The following ZNF385D variants were observed in gnomAD, a reference collection of about 807,000 sequenced individuals.
ZNF385D encodes zinc finger protein 659.
ZNF385D carries 15 observed loss-of-function variants against 35.8 expected under a neutral mutation model. The observed-to-expected ratio is 0.42, with a 90% CI of 0.28 to 0.64. The LOEUF (loss-of-function observed/expected upper bound fraction) is 0.64. Among genes scored for constraint, ZNF385D ranks in the 30% least tolerant of loss-of-function variants. The pLI is 0.23. For missense variants in ZNF385D, 474 were observed against 494.6 expected (o/e 0.96, Z 0.39); for synonymous variants, 212 against 186.8 (o/e 1.13, Z -1.10).
intron 3 of ZNF385D, among the ~76,000 whole-genome samples, chr3:21,816,807 C>G (rs112550441): frequency 0.039 from 5,998 of 152,270 alleles, 401 homozygotes; most frequent in African/African-American, 0.13. Context: ...CTCCCAATGA[C>G]TTTCTTCACA....
intron 3 of ZNF385D, among the ~76,000 whole-genome samples, chr3:22,108,266 T>A (rs1221541630): frequency 1.3e-5 from 2 of 152,182 alleles, no homozygotes; most frequent in African/African-American, 2.4e-5. Flanking sequence ...TCTTACTCAT[T>A]TTAATCCACA....
At position 21,418,026 on chromosome 3, in the gene ZNF385D, C is replaced by A. The variant is rs148712879; in HGVS notation, c.*3188G>T. 2.6e-4 allele frequency: 39 copies of A among 152,218 alleles called. No homozygotes were observed. The highest frequency in any genetic ancestry group is 3.4e-3 in the Middle Eastern group (1 of 294). 9.4% of individuals were successfully genotyped at this position (152,218 alleles called of 1,614,324 possible). A position where few individuals can be genotyped will look rare whatever the true frequency, so the allele number is the denominator to read the frequency against. ...AGGAGCAATTTATCATGTGTAATTG[C>A]CTGTTTTCTCATAAGAGAAATACAG... is the stretch of plus-strand genomic sequence containing the variant. On this transcript the variant is annotated 3_prime_UTR_variant, in exon 8 of 8. Coordinates refer to ENST00000281523, the MANE Select transcript of ZNF385D (RefSeq NM_024697.3).
At chr3:22,117,704 T>C (rs1702883140) in intron 3 of ZNF385D, among the ~76,000 whole-genome samples, 1 of 151,964 alleles carries the variant, frequency 6.6e-6, no homozygotes, top group African/African-American at 2.4e-5. Context: ...ACTGGTAATA[T>C]TACCATTGAT....
chr3:22,035,960 T>G (rs1195210338), intron 3 of ZNF385D, among the ~76,000 whole-genome samples: 1 of 151,874 alleles, frequency 6.6e-6, no homozygotes, highest in African/African-American at 2.4e-5. Context: ...AAGACATAGT[T>G]AAAAAGAGAA....
chr3:21,893,450 A>G (rs1679208), intron 3 of ZNF385D, among the ~76,000 whole-genome samples: 89,949 of 152,032 alleles, frequency 0.59, 27,094 homozygotes, highest in South Asian at 0.71. Context: ...TGGTCTGGGA[A>G]TTAGCACATG....
chr3:21,524,749 A>G (rs1708122997), intron 3 of ZNF385D, among the ~76,000 whole-genome samples: 1 of 152,130 alleles, frequency 6.6e-6, no homozygotes, highest in Non-Finnish European at 1.5e-5. Flanking sequence ...TTAAAATTGT[A>G]GTGGATGGAA....
intron 3 of ZNF385D, among the ~76,000 whole-genome samples, chr3:21,838,806 C>A (rs1575752245): frequency 6.6e-6 from 1 of 151,896 alleles, no homozygotes; most frequent in East Asian, 1.9e-4. Flanking sequence ...AAAATATCAC[C>A]AATTTTAATA....
chr3:21,892,201 G>A (rs78217071), intron 3 of ZNF385D, among the ~76,000 whole-genome samples: 9,769 of 152,188 alleles, frequency 0.064, 337 homozygotes, highest in Middle Eastern at 0.085. Flanking sequence ...TAATTGAGAT[G>A]GAAAAATTTG....
chr3:21,869,407 G>A (rs1029167106), intron 3 of ZNF385D, among the ~76,000 whole-genome samples: 4 of 152,006 alleles, frequency 2.6e-5, no homozygotes, highest in African/African-American at 9.7e-5. Flanking sequence ...TACAACATGT[G>A]ATCCCCACCG....
intron 3 of ZNF385D, among the ~76,000 whole-genome samples, chr3:22,018,433 C>T (rs1280607196): frequency 6.6e-6 from 1 of 151,544 alleles, no homozygotes; most frequent in Non-Finnish European, 1.5e-5. Flanking sequence ...TCACATGTAC[C>T]TTCAAAGATA....
intron 3 of ZNF385D, among the ~76,000 whole-genome samples, chr3:21,800,344 A>G (rs1159440204): frequency 2.6e-5 from 4 of 152,196 alleles, no homozygotes; most frequent in African/African-American, 9.6e-5. Context: ...AGTAGTACCA[A>G]CCTTAGCAAT....
At chr3:21,574,292 AAGTCTCTACGTG>A (rs2063427755) in intron 2 of ZNF385D, among the ~76,000 whole-genome samples, 1 of 152,082 alleles carries the variant, frequency 6.6e-6, no homozygotes, top group Admixed American at 6.5e-5. Context: ...CACACAAGAA[AAGTCTCTACGTG>A]AATAAAGTCC....
intron 4 of ZNF385D, among the ~76,000 whole-genome samples, chr3:21,486,498 G>T (rs975711671): frequency 1.3e-5 from 2 of 152,054 alleles, no homozygotes; most frequent in Non-Finnish European, 2.9e-5. Context: ...GTTATCAAAA[G>T]ATGATAAATG....
chr3:21,431,758 A>G (rs1701303345), intron 5 of ZNF385D, among the ~76,000 whole-genome samples: 1 of 152,186 alleles, frequency 6.6e-6, no homozygotes, highest in Non-Finnish European at 1.5e-5. Context: ...GGGAAGCCTT[A>G]TCATTACCCT....
intron 2 of ZNF385D, 64 bp from the exon 3 acceptor site, chr3:21,564,748 G>T: frequency 9.3e-7 from 1 of 1,076,588 alleles, no homozygotes. Flanking sequence ...TTGGAATTTT[G>T]CCTATTTCAT....
intron 2 of ZNF385D, among the ~76,000 whole-genome samples, chr3:22,237,939 G>A (rs1045951320): frequency 6.6e-6 from 1 of 150,842 alleles, no homozygotes; most frequent in Admixed American, 6.6e-5. Context: ...ACCACCCCTG[G>A]GCAAATTTAG....
chr3:21,740,277 C>G (rs1302934354), intron 1 of ZNF385D, among the ~76,000 whole-genome samples: 4 of 152,184 alleles, frequency 2.6e-5, no homozygotes, highest in Non-Finnish European at 5.9e-5. Flanking sequence ...GCCTCTACAG[C>G]ATAACTACTC....
chr3:22,357,638 T>C (rs1406439211), intron 2 of ZNF385D, among the ~76,000 whole-genome samples: 1 of 151,946 alleles, frequency 6.6e-6, no homozygotes, highest in East Asian at 1.9e-4. Flanking sequence ...GTTCCTTCAG[T>C]ATATTCATAT....
At chr3:22,037,989 A>G (rs1262267630) in intron 3 of ZNF385D, among the ~76,000 whole-genome samples, 1 of 152,142 alleles carries the variant, frequency 6.6e-6, no homozygotes, top group Non-Finnish European at 1.5e-5. Context: ...AGGATTCCCT[A>G]TTTAATAAAT....
Sources: gnomAD v4.1 joint callset for allele counts (sites outside exome capture counted in the v4.1 genomes callset) on GRCh38, gnomAD v4.1.1 for gene constraint, MANE v1.5 for transcripts, NCBI Gene and HGNC (gene_info 2026-07-23, HGNC 2026-07-21) for gene names.